The following SGF29 variants were observed in gnomAD, a reference collection of about 807,000 sequenced individuals.
SGF29 encodes the protein SAGA-associated factor 29.
SGF29 carries 15 observed loss-of-function variants against 38.1 expected under a neutral mutation model. The observed-to-expected ratio is 0.39, with a 90% CI of 0.26 to 0.61. The LOEUF (loss-of-function observed/expected upper bound fraction) is 0.61. Ranked by LOEUF, SGF29 falls within the 20% of genes least tolerant of loss-of-function variation. The pLI, the probability that SGF29 is intolerant of heterozygous loss-of-function variation, is 0.49. For synonymous variants in SGF29, 151 were observed against 160.8 expected (o/e 0.94, Z 0.46); for missense variants, 184 against 394.6 (o/e 0.47, Z 4.52).
chr16:28,564,685 G>GTATATATATATATATACATATATA (rs1434333961), intron 1 of SGF29, among the ~76,000 whole-genome samples: 1 of 71,188 alleles, frequency 1.4e-5, no homozygotes, highest in Non-Finnish European at 2.7e-5. Flanking sequence ...GTATATATAT[G>GTATATATATATATATACATATATA]TGTATATATA....
intron 3 of SGF29, 87 bp from the exon 4 acceptor site, chr16:28,585,556 CCTCCA>C: frequency 8.6e-7 from 1 of 1,163,300 alleles, no homozygotes. Context: ...CCTCTCTGTG[CCTCCA>C]CGAGTGTGAT....
chr16:28,564,786 TACAC>T (rs780806116), intron 1 of SGF29, among the ~76,000 whole-genome samples: 57 of 110,376 alleles, frequency 5.2e-4, no homozygotes, highest in African/African-American at 1.9e-3. Context: ...TATATATATA[TACAC>T]ACACACACAC....
At chr16:28,582,040 C>G (rs960379427) in intron 2 of SGF29, among the ~76,000 whole-genome samples, 2 of 152,140 alleles carry the variant, frequency 1.3e-5, no homozygotes, top group Non-Finnish European at 2.9e-5. Context: ...ACATTTTGCC[C>G]ACGATACTCA....
chr16:28,581,210 G>T, intron 2 of SGF29, 66 bp downstream of exon 2: 1 of 1,463,872 alleles, frequency 6.8e-7, no homozygotes. Flanking sequence ...CGTGAAGTGG[G>T]GGTGGCATTT....
intron 1 of SGF29, among the ~76,000 whole-genome samples, chr16:28,574,443 A>G (rs2046882189): frequency 6.6e-6 from 1 of 152,146 alleles, no homozygotes; most frequent in Non-Finnish European, 1.5e-5. Flanking sequence ...ATGCTCTGCC[A>G]TTTGGTCTCT....
chr16:28,564,511 A>G lies in SGF29; in HGVS notation c.-16+10414A>G, dbSNP rs563265186. ...CAGAGGGACAGAACTCTGTGTGTGT[A>G]TATATATATGTGTGTGTATATATAT... On this transcript the variant is annotated intron_variant, in intron 1 of 9. Transcript: ENST00000317058. Among the ~76,000 whole-genome samples the G allele has an allele frequency of 1.5e-3, 209 of 138,166 alleles. 3 individuals carry two copies. In the South Asian group the frequency reaches 0.024, roughly 16 times the overall value. The allele number at this position is 138,166 out of a possible 152,430, so 90.6% of individuals were successfully genotyped here.
intron 1 of SGF29, among the ~76,000 whole-genome samples, chr16:28,562,017 GT>G: frequency 6.6e-6 from 1 of 152,316 alleles, no homozygotes; most frequent in African/African-American, 2.4e-5. Flanking sequence ...GGAAGAGCTT[GT>G]TCTCTCAGAC....
intron 1 of SGF29, among the ~76,000 whole-genome samples, chr16:28,580,433 G>A (rs1184137081): frequency 6.6e-6 from 1 of 152,134 alleles, no homozygotes; most frequent in Non-Finnish European, 1.5e-5. Flanking sequence ...GGCTTAGACG[G>A]GGCCGTTACT....
intron 9 of SGF29, among the ~76,000 whole-genome samples, 187 bp downstream of exon 9, chr16:28,591,122 C>T (rs1422128457): frequency 6.6e-6 from 1 of 152,210 alleles, no homozygotes; most frequent in African/African-American, 2.4e-5. Context: ...CCAGCCCTGG[C>T]AGCCTTGGCA....
rs2046724931 is a variant in SGF29 at position 28,553,935 on chromosome 16, A to G, written c.-178A>G. On this transcript the variant is annotated 5_prime_UTR_variant, in exon 1 of 10. Coordinates refer to ENST00000317058, the MANE Select transcript of SGF29 (RefSeq NM_138414.3). The stretch of plus-strand genomic sequence containing the variant: ...CGTGCAAGGTCCTCCGCGCGCGACT[A>G]CGCTCATAAAAGGAAAAAAAAGCGT... 1 of 123,420 alleles carries G rather than the reference A, an allele frequency of 8.1e-6. No individual in the cohort carries two copies. The highest frequency in any genetic ancestry group is 8.7e-5 in the Admixed American group (1 of 11,468). 7.6% of individuals were successfully genotyped at this position (123,420 alleles called of 1,614,324 possible).
intron 1 of SGF29, among the ~76,000 whole-genome samples, chr16:28,564,804 CACAA>C (rs2046826877): frequency 1.4e-5 from 2 of 138,582 alleles, no homozygotes; most frequent in African/African-American, 2.7e-5. Flanking sequence ...CACACACACA[CACAA>C]ACACACACAC....
intron 1 of SGF29, among the ~76,000 whole-genome samples, chr16:28,563,753 C>T (rs992525763): frequency 1.7e-5 from 2 of 114,292 alleles, no homozygotes; most frequent in African/African-American, 6.7e-5. Context: ...CAGAGTCTTG[C>T]TCTGTCACCC....
At chr16:28,568,893 C>T (rs1293216177) in intron 1 of SGF29, among the ~76,000 whole-genome samples, 1 of 143,872 alleles carries the variant, frequency 7.0e-6, no homozygotes, top group Admixed American at 7.1e-5. Flanking sequence ...AGCCTGATGA[C>T]AGAGTAAGAC....
chr16:28,586,406 G>A (rs1468012919), intron 4 of SGF29, among the ~76,000 whole-genome samples: 1 of 151,798 alleles, frequency 6.6e-6, no homozygotes, highest in African/African-American at 2.4e-5. Flanking sequence ...AGGTGTGGTG[G>A]CGCACGCTAC....
rs2046814466 is a variant in SGF29, at chr16:28,564,594, C to CATATATATGTGTATATATAT, written c.-16+10498_-16+10499insTATATATGTGTATATATATA. ...ATATATATACACGTATATATATACA[C>CATATATATGTGTATATATAT]ACATATATGTGTATATATATACATA... is the stretch of plus-strand genomic sequence containing the variant. On this transcript the variant is annotated intron_variant, in intron 1 of 9. Transcript: ENST00000317058. Among the ~76,000 whole-genome samples, 5 of 120,716 alleles carry CATATATATGTGTATATATAT rather than the reference C, an allele frequency of 4.1e-5. 1 individual carries two copies. The highest frequency in any genetic ancestry group is 4.7e-4 in the South Asian group (2 of 4,214). 79.2% of individuals were successfully genotyped at this position (120,716 alleles called of 152,430 possible).
chr16:28,556,329 C>T (rs955764912), intron 1 of SGF29, among the ~76,000 whole-genome samples: 1 of 151,962 alleles, frequency 6.6e-6, no homozygotes, highest in Non-Finnish European at 1.5e-5. Context: ...ACCACCATGC[C>T]TGGCTAATTT....
intron 2 of SGF29, among the ~76,000 whole-genome samples, chr16:28,583,086 G>A (rs1346261613): frequency 6.6e-6 from 1 of 152,250 alleles, no homozygotes; most frequent in Non-Finnish European, 1.5e-5. Context: ...TCACCCGTCA[G>A]CTTCCAAAAG....
chr16:28,589,736 A>G (rs1354112447), intron 5 of SGF29, among the ~76,000 whole-genome samples: 3 of 152,168 alleles, frequency 2.0e-5, no homozygotes, highest in Non-Finnish European at 4.4e-5. Flanking sequence ...ATGTATATTA[A>G]TAGAAGAAAA....
At chr16:28,583,372 TCTAG>T in intron 2 of SGF29, among the ~76,000 whole-genome samples, 1 of 152,324 alleles carries the variant, frequency 6.6e-6, no homozygotes, top group Non-Finnish European at 1.5e-5. Flanking sequence ...GCAGTACTAG[TCTAG>T]CAAGTATCCC....
Sources: allele counts gnomAD v4.1 joint callset (sites outside exome capture counted in the v4.1 genomes callset), GRCh38; gene constraint gnomAD v4.1.1; transcripts MANE v1.5; gene names NCBI Gene and HGNC (gene_info 2026-07-23, HGNC 2026-07-21).